The following USP10 variants were observed in gnomAD, a reference collection of about 807,000 sequenced individuals.
USP10 encodes the protein ubiquitin specific peptidase 10, also known as ubiquitin carboxyl-terminal hydrolase 10.
A neutral mutation model predicts 84.5 loss-of-function variants in USP10; 22 were observed. That is an observed-to-expected ratio of 0.26 (90% confidence interval 0.19 to 0.37). The LOEUF (loss-of-function observed/expected upper bound fraction) is 0.37. Among genes scored for constraint, USP10 ranks in the 10% least tolerant of loss-of-function variants. USP10 has a pLI of 1.00. For missense variants in USP10, 1,019 were observed against 998.9 expected (o/e 1.02, Z -0.27); for synonymous variants, 454 against 387.6 (o/e 1.17, Z -2.01).
chr16:84,779,745 G>A lies in USP10; in HGVS notation c.*663G>A, dbSNP rs1448634921. The A allele has an allele frequency of 6.6e-6, 1 of 152,658 alleles. No individual in the cohort carries two copies. Among genetic ancestry groups the A allele is most frequent in the African/African-American group, 2.4e-5 (1 of 41,440 alleles). The allele number at this position is 152,658 out of a possible 1,614,324, so 9.5% of individuals were successfully genotyped here. On this transcript the variant is annotated 3_prime_UTR_variant, in exon 14 of 14. Coordinates refer to ENST00000219473, the MANE Select transcript of USP10 (RefSeq NM_005153.3). Reference sequence around the variant, plus strand: ...TTAAAAGATTTCAAATTGCATTCATGCTTCTGTGTACACATAATGAAAAAT... The same window carrying A: ...TTAAAAGATTTCAAATTGCATTCATACTTCTGTGTACACATAATGAAAAAT...
intron 4 of USP10, among the ~76,000 whole-genome samples, chr16:84,756,396 C>T (rs1322067807): frequency 6.6e-6 from 1 of 152,198 alleles, no homozygotes; most frequent in African/African-American, 2.4e-5. Context: ...AGTTCAAGAC[C>T]AGCCTGGCCA....
chr16:84,727,747 G>A (rs1255004945), intron 1 of USP10, among the ~76,000 whole-genome samples: 1 of 152,174 alleles, frequency 6.6e-6, no homozygotes, highest in Non-Finnish European at 1.5e-5. Context: ...AGATTTCAGG[G>A]AAGATTACAT....
chr16:84,711,337 C>G (rs1174747742), intron 1 of USP10, among the ~76,000 whole-genome samples: 3 of 152,122 alleles, frequency 2.0e-5, no homozygotes, highest in Non-Finnish European at 4.4e-5. Flanking sequence ...TGAAATAGGA[C>G]CTTTGTGGAC....
chr16:84,735,197 G>T (rs12923205), intron 2 of USP10, among the ~76,000 whole-genome samples: 1,276 of 9,862 alleles, frequency 0.13, 19 homozygotes, highest in African/African-American at 0.19. Context: ...GGCCCGGGTG[G>T]TGTGTGTGTG....
intron 10 of USP10, among the ~76,000 whole-genome samples, 164 bp downstream of exon 10, chr16:84,764,427 C>G (rs1913586441): frequency 6.6e-6 from 1 of 152,234 alleles, no homozygotes; most frequent in South Asian, 2.1e-4. Context: ...CTTCCCTTGT[C>G]AGCCCCCGTG....
At chr16:84,712,183 A>C (rs1037597241) in intron 1 of USP10, among the ~76,000 whole-genome samples, 2 of 152,136 alleles carry the variant, frequency 1.3e-5, no homozygotes, top group Admixed American at 6.5e-5. Context: ...GCAGGCTTTG[A>C]GGGCCCTTAT....
rs375155743 is a variant in USP10 at position 84,760,236 on chromosome 16, C to T, written c.1515C>T (p.Tyr505=). Reference sequence around the variant, plus strand: ...CTGCCTTTGAGCCCACATATATTTACAGACTCCTGACAGTTAACAAGTCAA... The same window carrying T: ...CTGCCTTTGAGCCCACATATATTTATAGACTCCTGACAGTTAACAAGTCAA... ...PGAAFEPTYI[Y]RLLTVNKSSL... Residue 505 remains tyrosine (Y), a synonymous_variant, in exon 8 of 14, where the codon TAC becomes TAT. Coordinates refer to ENST00000219473, the MANE Select transcript of USP10 (RefSeq NM_005153.3). The T allele has an allele frequency of 1.9e-4, 310 of 1,610,720 alleles. No individual in the cohort carries two copies. The highest frequency in any genetic ancestry group is 2.5e-4 in the Non-Finnish European group (291 of 1,178,410).
chr16:84,774,114 G>A (rs1321728885), intron 12 of USP10, among the ~76,000 whole-genome samples: 1 of 152,120 alleles, frequency 6.6e-6, no homozygotes, highest in Non-Finnish European at 1.5e-5. Context: ...GCCTAGCATG[G>A]TGGTGGGTGC....
At chr16:84,749,677 ATTG>A (rs1401266001) in intron 4 of USP10, among the ~76,000 whole-genome samples, 1 of 152,102 alleles carries the variant, frequency 6.6e-6, no homozygotes, top group African/African-American at 2.4e-5. Context: ...TATTTCCCCT[ATTG>A]TTAAGTCTGC....
intron 1 of USP10, among the ~76,000 whole-genome samples, chr16:84,727,957 C>A (rs1454532789): frequency 6.6e-6 from 1 of 152,192 alleles, no homozygotes; most frequent in Non-Finnish European, 1.5e-5. Flanking sequence ...AGCACAGGAT[C>A]CAGTCTAGGG....
At chr16:84,739,258 T>C (rs79076627) in intron 2 of USP10, among the ~76,000 whole-genome samples, 76 of 99,790 alleles carry the variant, frequency 7.6e-4, no homozygotes, top group African/African-American at 2.4e-3. Flanking sequence ...ACAGGGTTTG[T>C]TTTTTTTTTG....
chr16:84,772,761 C>G (rs1297701294), intron 12 of USP10, 76 bp downstream of exon 12: 1 of 1,558,374 alleles, frequency 6.4e-7, no homozygotes, highest in African/African-American at 1.4e-5. Context: ...TGTAGCATTT[C>G]TTTATGATGT....
intron 3 of USP10, among the ~76,000 whole-genome samples, chr16:84,741,031 A>G (rs1187334478): frequency 6.6e-6 from 1 of 152,236 alleles, no homozygotes; most frequent in Non-Finnish European, 1.5e-5. Flanking sequence ...TCATTTTTCA[A>G]TCTGAATCAC....
intron 2 of USP10, among the ~76,000 whole-genome samples, chr16:84,739,028 C>G (rs1222118560): frequency 6.6e-6 from 1 of 151,768 alleles, no homozygotes. Flanking sequence ...AGCAGTTTAT[C>G]TCTCTGCTTA....
intron 10 of USP10, among the ~76,000 whole-genome samples, chr16:84,765,867 G>C (rs1913800338): frequency 6.6e-6 from 1 of 152,176 alleles, no homozygotes; most frequent in Admixed American, 6.5e-5. Context: ...CCTTCGGAAA[G>C]GTTTTTCTTT....
At chr16:84,736,945 C>T (rs1266889971) in intron 2 of USP10, among the ~76,000 whole-genome samples, 9 of 152,212 alleles carry the variant, frequency 5.9e-5, no homozygotes, top group East Asian at 1.9e-4. Flanking sequence ...TCCGCCACCT[C>T]GCCCGGCTAA....
chr16:84,739,578 C>T (rs59139404), intron 2 of USP10, among the ~76,000 whole-genome samples: 48 of 152,272 alleles, frequency 3.2e-4, no homozygotes, highest in African/African-American at 1.2e-3. Flanking sequence ...CTGCCCCTTC[C>T]TAAACTTTCT....
chr16:84,775,117 C>T (rs1914861229), intron 12 of USP10, 43 bp from the exon 13 acceptor site: 5 of 1,580,392 alleles, frequency 3.2e-6, no homozygotes, highest in Non-Finnish European at 3.5e-6. Context: ...TTACCCTGAA[C>T]CTTTCTAAAA....
chr16:84,754,663 G>T lies in USP10; in HGVS notation c.1193-4053G>T, dbSNP rs190547399. On this transcript the variant is annotated intron_variant, in intron 4 of 13. Transcript: ENST00000219473. ...AATAAGCAAACTGGAAGCTGGTATC[G>T]ATTTAAGGGAATGGCTGATGTAGAA... 8.1e-4 allele frequency among the ~76,000 whole-genome samples: 124 copies of T among 152,304 alleles called. 3 individuals are homozygous for T. In the East Asian group the frequency reaches 0.02, roughly 25 times the overall value.
Sources: gnomAD v4.1 joint callset for allele counts (sites outside exome capture counted in the v4.1 genomes callset) on GRCh38, gnomAD v4.1.1 for gene constraint, MANE v1.5 for transcripts, NCBI Gene and HGNC (gene_info 2026-07-23, HGNC 2026-07-21) for gene names.